The following DACH1 variants were observed in gnomAD, a reference collection of about 807,000 sequenced individuals.
The protein encoded by DACH1 is dachshund homolog 1.
Under a neutral mutation model 54.2 loss-of-function variants are expected in DACH1, and 12 were observed. The observed-to-expected ratio is 0.22, with a 90% CI of 0.14 to 0.36. The LOEUF (loss-of-function observed/expected upper bound fraction) is 0.36. Ranked by LOEUF, DACH1 falls within the 10% of genes least tolerant of loss-of-function variation. The pLI, the probability that DACH1 is intolerant of heterozygous loss-of-function variation, is 1.00. For synonymous variants in DACH1, 386 were observed against 366.2 expected (o/e 1.05, Z -0.62); for missense variants, 805 against 929.8 (o/e 0.87, Z 1.75).
In DACH1 at chr13:71,857,681, T is replaced by A. The variant is rs372057422; in HGVS notation, c.848+8241A>T. On this transcript the variant is annotated intron_variant, in intron 1 of 10. Transcript: ENST00000613252. The stretch of plus-strand genomic sequence containing the variant: ...CCTCATATAAAATGTGTGACAGGTA[T>A]TATGAAAAATAAAAGTGTTCCAGGT... Among the ~76,000 whole-genome samples the A allele has an allele frequency of 5.9e-5, 9 of 151,864 alleles. No homozygotes were observed. The East Asian group carries it at 1.7e-3, about 29-fold the overall frequency.
At chr13:71,681,703 G>A in intron 2 of DACH1, 92 bp downstream of exon 2, 1 of 785,944 alleles carries the variant, frequency 1.3e-6, no homozygotes, top group Non-Finnish European at 2.1e-6. Context: ...TAATTGATGT[G>A]TGTAAATATC....
chr13:71,778,507 C>T (rs920671667), intron 1 of DACH1, among the ~76,000 whole-genome samples: 18 of 151,936 alleles, frequency 1.2e-4, no homozygotes, highest in African/African-American at 4.3e-4. Flanking sequence ...TAATGTTGAA[C>T]AAATGTCCCC....
At chr13:71,554,209 C>T (rs1466446454) in intron 6 of DACH1, among the ~76,000 whole-genome samples, 1 of 151,886 alleles carries the variant, frequency 6.6e-6, no homozygotes, top group African/African-American at 2.4e-5. Flanking sequence ...ACTATTAATT[C>T]ACTATATTAA....
chr13:71,586,896 A>G (rs1366152853), intron 3 of DACH1, among the ~76,000 whole-genome samples: 3 of 152,030 alleles, frequency 2.0e-5, no homozygotes, highest in Admixed American at 2.0e-4. Context: ...CCTTCACATT[A>G]TATCACTTAC....
At chr13:71,496,687 A>C (rs1400490880) in intron 6 of DACH1, among the ~76,000 whole-genome samples, 1 of 152,098 alleles carries the variant, frequency 6.6e-6, no homozygotes, top group African/African-American at 2.4e-5. Context: ...ATAAAATTAC[A>C]CTTGTACCAC....
At chr13:71,623,847 G>T (rs1234552982) in intron 3 of DACH1, among the ~76,000 whole-genome samples, 4 of 151,606 alleles carry the variant, frequency 2.6e-5, no homozygotes, top group Non-Finnish European at 5.9e-5. Flanking sequence ...TGAGTTTTTG[G>T]CTGTGTCTAG....
intron 1 of DACH1, among the ~76,000 whole-genome samples, chr13:71,829,690 T>C (rs1888511275): frequency 6.6e-6 from 1 of 151,918 alleles, no homozygotes; most frequent in Non-Finnish European, 1.5e-5. Context: ...TTTATATCAC[T>C]GTCCTCAGGT....
chr13:71,558,344 T>C (rs1359884354), intron 5 of DACH1, among the ~76,000 whole-genome samples: 2 of 152,032 alleles, frequency 1.3e-5, no homozygotes, highest in Non-Finnish European at 2.9e-5. Context: ...TGTACATATA[T>C]ATGTATGTGT....
At chr13:71,505,065 A>G (rs977695393) in intron 6 of DACH1, among the ~76,000 whole-genome samples, 1 of 152,128 alleles carries the variant, frequency 6.6e-6, no homozygotes, top group East Asian at 1.9e-4. Context: ...TTTGTTAATT[A>G]GATATCTCCT....
At chr13:71,852,282 T>A (rs1873717958) in intron 1 of DACH1, among the ~76,000 whole-genome samples, 1 of 152,042 alleles carries the variant, frequency 6.6e-6, no homozygotes, top group Admixed American at 6.6e-5. Context: ...CACCCCTCCA[T>A]CTGAGATGAA....
At chr13:71,863,789 CGTGT>C (rs1228267676) in intron 1 of DACH1, among the ~76,000 whole-genome samples, 1 of 148,578 alleles carries the variant, frequency 6.7e-6, no homozygotes, top group Non-Finnish European at 1.5e-5. Flanking sequence ...TTTGTGTTTA[CGTGT>C]GTGTATGTGA....
chr13:71,773,504 C>G (rs1032806808), intron 1 of DACH1, among the ~76,000 whole-genome samples: 1 of 151,882 alleles, frequency 6.6e-6, no homozygotes, highest in African/African-American at 2.4e-5. Flanking sequence ...AATTGTAAAA[C>G]CTGACTTTTT....
chr13:71,487,699 C>T (rs370699653), intron 7 of DACH1, among the ~76,000 whole-genome samples: 1 of 152,136 alleles, frequency 6.6e-6, no homozygotes, highest in South Asian at 2.1e-4. Flanking sequence ...TAATGACAAT[C>T]CATGCAAATA....
intron 5 of DACH1, among the ~76,000 whole-genome samples, chr13:71,557,932 T>C (rs1884355082): frequency 6.6e-6 from 1 of 151,310 alleles, no homozygotes; most frequent in Admixed American, 6.6e-5. Context: ...TGACAACTAA[T>C]TGTAGTGTGT....
chr13:71,616,057 A>AAAAT (rs1875740095), intron 3 of DACH1, among the ~76,000 whole-genome samples: 9 of 152,170 alleles, frequency 5.9e-5, no homozygotes, highest in Admixed American at 5.9e-4. Flanking sequence ...AACAATGGCA[A>AAAAT]AAACAAACAA....
At chr13:71,610,543 G>C (rs1593981420) in intron 3 of DACH1, among the ~76,000 whole-genome samples, 1 of 152,156 alleles carries the variant, frequency 6.6e-6, no homozygotes, top group East Asian at 1.9e-4. Flanking sequence ...ATAAATCACA[G>C]AGACATACAT....
At chr13:71,758,694 T>C (rs1443434020) in intron 1 of DACH1, among the ~76,000 whole-genome samples, 1 of 152,186 alleles carries the variant, frequency 6.6e-6, no homozygotes, top group African/African-American at 2.4e-5. Flanking sequence ...ATCTAAATGC[T>C]TAATGGGTCT....
intron 2 of DACH1, among the ~76,000 whole-genome samples, chr13:71,647,687 A>G (rs1471023643): frequency 6.6e-6 from 1 of 152,152 alleles, no homozygotes. Context: ...ATGACTGGAG[A>G]AACAATGGGA....
At chr13:71,517,566 T>C (rs1239572560) in intron 6 of DACH1, among the ~76,000 whole-genome samples, 1 of 151,842 alleles carries the variant, frequency 6.6e-6, no homozygotes, top group Non-Finnish European at 1.5e-5. Context: ...CAAATACACA[T>C]GGATTAAATT....
Sources: allele counts gnomAD v4.1 joint callset (sites outside exome capture counted in the v4.1 genomes callset), GRCh38; gene constraint gnomAD v4.1.1; transcripts MANE v1.5; gene names NCBI Gene and HGNC (gene_info 2026-07-23, HGNC 2026-07-21).